NECTIN1: variants seen among roughly 807,000 people sequenced by gnomAD.
NECTIN1 encodes nectin cell adhesion molecule 1, also known as nectin-1.
NECTIN1 carries 23 observed loss-of-function variants against 48.0 expected under a neutral mutation model. The ratio of observed to expected loss-of-function variants is 0.48; its 90% CI spans 0.34 to 0.68. NECTIN1 has a LOEUF of 0.68. NECTIN1 is among the 30% of genes least tolerant of loss of function. The probability of loss-of-function intolerance (pLI) is 0.01; values close to 1 mark genes in which losing one functional copy is unlikely to be tolerated. For missense variants in NECTIN1, 591 were observed against 709.9 expected (o/e 0.83, Z 1.90); for synonymous variants, 270 against 288.9 (o/e 0.93, Z 0.66).
chr11:119,710,035 G>C (rs971100071), intron 1 of NECTIN1: 1 of 152,232 alleles, frequency 6.6e-6, no homozygotes, highest in African/African-American at 2.4e-5. Flanking sequence ...CATCAGGTGG[G>C]TAGAGAAAGC....
chr11:119,644,381 T>G (rs998185240), intron 5 of NECTIN1, among the ~76,000 whole-genome samples: 2 of 152,206 alleles, frequency 1.3e-5, no homozygotes, highest in African/African-American at 4.8e-5. Flanking sequence ...GCCAGCAATC[T>G]TCACCTGCTT....
intron 1 of NECTIN1, among the ~76,000 whole-genome samples, chr11:119,688,521 C>T (rs564079689): frequency 1.3e-5 from 2 of 152,248 alleles, no homozygotes; most frequent in South Asian, 4.1e-4. Context: ...CCCAAGTGCA[C>T]CCCCTCCATT....
intron 1 of NECTIN1, among the ~76,000 whole-genome samples, chr11:119,699,818 A>C (rs1289986679): frequency 1.3e-5 from 2 of 152,134 alleles, no homozygotes; most frequent in Non-Finnish European, 2.9e-5. Flanking sequence ...ATTCAAAGCC[A>C]GGTCTCCTGA....
rs191145817 is a variant in NECTIN1 at position 119,676,565 on chromosome 11, C to T, written c.851+537G>A. Among the ~76,000 whole-genome samples the T allele has an allele frequency of 5.4e-3, 816 of 152,276 alleles. 7 individuals are homozygous for T. The highest frequency in any genetic ancestry group is 0.018 in the African/African-American group (755 of 41,548). On this transcript the variant is annotated intron_variant, in intron 4 of 5. Coordinates refer to ENST00000264025, the MANE Select transcript of NECTIN1 (RefSeq NM_002855.5). ...TCAGAGCCGGCTGGAGGGGAGAAGG[C>T]GAAGGCAAGGCAAGGCGAAGACCGT...
chr11:119,704,479 A>G (rs1486144331), intron 1 of NECTIN1, among the ~76,000 whole-genome samples: 1 of 152,154 alleles, frequency 6.6e-6, no homozygotes, highest in Non-Finnish European at 1.5e-5. Context: ...GGCCTCCCAA[A>G]GTGCTGGGAT....
intron 5 of NECTIN1, among the ~76,000 whole-genome samples, chr11:119,654,893 C>A (rs952050019): frequency 1.1e-4 from 17 of 150,962 alleles, no homozygotes; most frequent in African/African-American, 4.1e-4. Context: ...TAAAAATAGA[C>A]TTACATTTAT....
chr11:119,711,209 G>A (rs1292921517), intron 1 of NECTIN1, among the ~76,000 whole-genome samples: 1 of 152,120 alleles, frequency 6.6e-6, no homozygotes, highest in Non-Finnish European at 1.5e-5. Flanking sequence ...GACTAACATG[G>A]TGAAACCCTA....
chr11:119,712,328 G>A (rs1865664886), intron 1 of NECTIN1, among the ~76,000 whole-genome samples: 1 of 147,436 alleles, frequency 6.8e-6, no homozygotes, highest in African/African-American at 2.4e-5. Flanking sequence ...TCCCAGAGAA[G>A]CCTCCCCTCC....
rs1169582042 is a variant in NECTIN1 at position 119,678,954 on chromosome 11, C to T, written c.80-189G>A. ...AAAAATCATGAGAAGAAAGTGACAACATCCCATGATCCTTCCGCTCAGGAT... is the reference window on the plus strand; with the variant it reads ...AAAAATCATGAGAAGAAAGTGACAATATCCCATGATCCTTCCGCTCAGGAT... On this transcript the variant is annotated intron_variant, in intron 1 of 5. Transcript: ENST00000264025. This position sits in a 1 kb window ranked among gnomAD's most constrained non-coding sequence, Gnocchi z 4.4. Among the ~76,000 whole-genome samples, 1 of 152,200 alleles carries T rather than the reference C, an allele frequency of 6.6e-6. No individual in the cohort carries two copies. Among genetic ancestry groups the T allele is most frequent in the African/African-American group, 2.4e-5 (1 of 41,448 alleles).
rs1007703598 is a variant in NECTIN1 at position 119,683,077 on chromosome 11, C to T, written c.80-4312G>A. 6.6e-6 allele frequency among the ~76,000 whole-genome samples: 1 copy of T among 152,202 alleles called. No individual in the cohort carries two copies. Among genetic ancestry groups the T allele is most frequent in the Admixed American group, 6.5e-5 (1 of 15,278 alleles). On this transcript the variant is annotated intron_variant, in intron 1 of 5. Transcript: ENST00000264025. The surrounding 1 kb of genome is among the most constrained non-coding windows in gnomAD (Gnocchi z 4.0). The stretch of plus-strand genomic sequence containing the variant: ...TGGCCTTGGGTTGAGTTGACCATGT[C>T]ACGCCTGCCACTGGCAGGGTCCAGG...
At chr11:119,652,053 C>T (rs979827001) in intron 5 of NECTIN1, among the ~76,000 whole-genome samples, 3 of 152,176 alleles carry the variant, frequency 2.0e-5, no homozygotes, top group East Asian at 1.9e-4. Context: ...TCCCTCCCGC[C>T]GGCTGCCATC....
chr11:119,688,105 T>C (rs74408867), intron 1 of NECTIN1, among the ~76,000 whole-genome samples: 3,589 of 152,314 alleles, frequency 0.024, 56 homozygotes, highest in Non-Finnish European at 0.032. Flanking sequence ...TGCTGCTTTT[T>C]AGCTGGTTGA....
chr11:119,640,253 G>C, intron 5 of NECTIN1: 1 of 568,244 alleles, frequency 1.8e-6, no homozygotes. Context: ...TGGGATCTGG[G>C]GCATGGAGGT....
rs1422155309 is a variant in NECTIN1, at chr11:119,709,526, G to A, written c.79+18949C>T. ...TGAGGAAGCACTCACTTCCAGGGGT[G>A]GAGGTTCAGGGGTTGGGGAAGGGAA... On this transcript the variant is annotated intron_variant, in intron 1 of 5. Coordinates refer to ENST00000264025, the MANE Select transcript of NECTIN1 (RefSeq NM_002855.5). The surrounding 1 kb of genome is among the most constrained non-coding windows in gnomAD (Gnocchi z 4.1). 6.6e-6 allele frequency among the ~76,000 whole-genome samples: 1 copy of A among 152,176 alleles called. No homozygotes were observed. Among genetic ancestry groups the A allele is most frequent in the African/African-American group, 2.4e-5 (1 of 41,444 alleles).
chr11:119,703,430 G>A (rs7111290), intron 1 of NECTIN1, among the ~76,000 whole-genome samples: 89,918 of 152,012 alleles, frequency 0.59, 27,098 homozygotes, highest in African/African-American at 0.66. Flanking sequence ...ACAATACCAC[G>A]CTGTCTTGTA....
chr11:119,669,312 T>C (rs996427228), intron 5 of NECTIN1, among the ~76,000 whole-genome samples: 1 of 151,112 alleles, frequency 6.6e-6, no homozygotes, highest in African/African-American at 2.4e-5. Flanking sequence ...CTTGGGAGGC[T>C]GAGGCAGGAG....
In NECTIN1 at chr11:119,678,622, T is replaced by G; in HGVS notation, c.223A>C (p.Lys75Gln). The change falls in exon 2 of 6, where the codon AAG becomes CAG. Residue 75 changes from lysine to glutamine, a missense_variant. Physicochemically the swap from Lys to Gln is moderately conservative, Grantham distance 53. Coordinates refer to ENST00000264025, the MANE Select transcript of NECTIN1 (RefSeq NM_002855.5). This position sits in a 1 kb window ranked among gnomAD's most constrained non-coding sequence, Gnocchi z 4.4. ...GGGTTGTAGATGGCCACGTTCTGCT[T>G]GGAGCCATTGGTGGACTTCTGCCAT... ...VTWQKSTNGSKQNVAIYNPSM... is the reference protein window; with the variant it reads ...VTWQKSTNGSQQNVAIYNPSM... 1 of 1,614,174 alleles carries G rather than the reference T, an allele frequency of 6.2e-7. No homozygotes were observed. The highest frequency in any genetic ancestry group is 8.5e-7 in the Non-Finnish European group (1 of 1,180,034).
chr11:119,704,246 G>A (rs936133260), intron 1 of NECTIN1, among the ~76,000 whole-genome samples: 5 of 151,822 alleles, frequency 3.3e-5, no homozygotes, highest in Admixed American at 6.5e-5. Flanking sequence ...TATCTGAGAC[G>A]GAGTCTCACT....
chr11:119,695,757 C>G (rs150963423), intron 1 of NECTIN1, among the ~76,000 whole-genome samples: 6 of 152,170 alleles, frequency 3.9e-5, no homozygotes, highest in South Asian at 2.1e-4. Flanking sequence ...ATGTGGGGGC[C>G]GCATTCAATT....
Sources: gnomAD v4.1 joint callset for allele counts (sites outside exome capture counted in the v4.1 genomes callset) on GRCh38, gnomAD v4.1.1 for gene constraint, Gnocchi (gnomAD v3.1) non-coding constraint, MANE v1.5 for transcripts, NCBI Gene and HGNC (gene_info 2026-07-23, HGNC 2026-07-21) for gene names.